CARMIL1: variants seen among roughly 807,000 people sequenced by gnomAD.
CARMIL1 encodes the protein capping protein regulator and myosin 1 linker 1, also known as F-actin-uncapping protein LRRC16A.
CARMIL1 carries 90 observed loss-of-function variants against 177.1 expected under a neutral mutation model. The observed-to-expected ratio is 0.51, with a 90% confidence interval of 0.43 to 0.61. The LOEUF (loss-of-function observed/expected upper bound fraction) is 0.61. Ranked by LOEUF, CARMIL1 falls within the 20% of genes least tolerant of loss-of-function variation. The pLI is 0.00. For missense variants in CARMIL1, 1,380 were observed against 1,667.0 expected, an observed-to-expected ratio of 0.83 and a Z score of 3.00; for synonymous variants, 577 against 606.2, an observed-to-expected ratio of 0.95 and a Z score of 0.71.
chr6:25,537,707 G>T, intron 24 of CARMIL1, 148 bp from the exon 25 acceptor site: 1 of 828,852 alleles, frequency 1.2e-6, no homozygotes, highest in Non-Finnish European at 1.8e-6. Context: ...CATTCTCAGT[G>T]ACTCCAGTTA....
At chr6:25,502,506 A>T (rs751513955) in intron 17 of CARMIL1, among the ~76,000 whole-genome samples, 8 of 150,152 alleles carry the variant, frequency 5.3e-5, no homozygotes, top group Non-Finnish European at 1.0e-4. Flanking sequence ...GTGAGCCGAG[A>T]TTGTACCAAT....
chr6:25,440,590 G>A (rs1434957639), intron 5 of CARMIL1, among the ~76,000 whole-genome samples: 2 of 152,146 alleles, frequency 1.3e-5, no homozygotes, highest in Non-Finnish European at 2.9e-5. Flanking sequence ...GGTATTGGTT[G>A]TGTGACTAGA....
rs1282181753 is a variant in CARMIL1 at position 25,604,823 on chromosome 6, T to G, written c.3564T>G (p.Asn1188Lys). The G allele has an allele frequency of 6.3e-7, 1 of 1,590,418 alleles. No homozygotes were observed. The highest frequency in any genetic ancestry group is 1.3e-5 in the African/African-American group (1 of 74,562). Residue 1188 changes from asparagine to lysine, a missense_variant, in exon 34 of 37, where the codon AAT (asparagine) becomes AAG (lysine). Coordinates refer to ENST00000329474, the MANE Select transcript of CARMIL1 (RefSeq NM_017640.6). Reference protein sequence around the residue: ...RAACAQKKLGNDAVSQDSSSP... With the variant: ...RAACAQKKLGKDAVSQDSSSP... ...CTTGAATTTTTTAGAAGCTTGGGAATGATGCCGTATCCCAGGATTCTTCCA... is the reference window on the plus strand; with the variant it reads ...CTTGAATTTTTTAGAAGCTTGGGAAGGATGCCGTATCCCAGGATTCTTCCA...
At chr6:25,450,981 C>CTTCTCTTCT (rs1179612890) in intron 8 of CARMIL1, among the ~76,000 whole-genome samples, 71 of 4,876 alleles carry the variant, frequency 0.015, 6 homozygotes, top group African/African-American at 0.021. Flanking sequence ...CTTCTCCTCT[C>CTTCTCTTCT]CCCCTCCCCT....
Position 25,406,452 on chromosome 6 carries a change from G to C in CARMIL1, c.139-13662G>C, listed in dbSNP as rs116328532. Among the ~76,000 whole-genome samples the C allele has an allele frequency of 5.8e-3, 876 of 150,064 alleles. 8 individuals are homozygous for C. The highest frequency in any genetic ancestry group is 0.021 in the African/African-American group (819 of 39,496). On this transcript the variant is annotated intron_variant, in intron 2 of 36. Transcript: ENST00000329474. ...CAGAGAAGGGACATAATAATGTTTG[G>C]GTTCTTAAAAGATCACGTTCAGATC...
chr6:25,458,485 C>CAAAA (rs750169275), intron 8 of CARMIL1, among the ~76,000 whole-genome samples: 18 of 68,198 alleles, frequency 2.6e-4, no homozygotes, highest in African/African-American at 5.1e-4. Flanking sequence ...GACTCTGTCT[C>CAAAA]AAAAAAAAAA....
chr6:25,413,006 A>G (rs1795053884), intron 2 of CARMIL1, among the ~76,000 whole-genome samples: 1 of 152,192 alleles, frequency 6.6e-6, no homozygotes, highest in Non-Finnish European at 1.5e-5. Context: ...ATAGCTGAGT[A>G]TAGTGTTAGG....
intron 2 of CARMIL1, among the ~76,000 whole-genome samples, chr6:25,369,099 T>C (rs946299712): frequency 2.0e-5 from 3 of 152,092 alleles, no homozygotes; most frequent in Non-Finnish European, 4.4e-5. Context: ...CTTTTAGGAG[T>C]CTCCTTTTAG....
chr6:25,528,378 A>G (rs1434058999), intron 23 of CARMIL1, among the ~76,000 whole-genome samples: 1 of 152,204 alleles, frequency 6.6e-6, no homozygotes, highest in Non-Finnish European at 1.5e-5. Context: ...ATAAGGCTAT[A>G]AGAGATTTAG....
At chr6:25,305,969 A>G (rs1783225827) in intron 2 of CARMIL1, among the ~76,000 whole-genome samples, 1 of 152,172 alleles carries the variant, frequency 6.6e-6, no homozygotes, top group Non-Finnish European at 1.5e-5. Context: ...CATTTTAACC[A>G]CTATTAATAA....
intron 2 of CARMIL1, among the ~76,000 whole-genome samples, chr6:25,381,700 C>T (rs1304130511): frequency 1.3e-5 from 2 of 152,228 alleles, no homozygotes; most frequent in African/African-American, 4.8e-5. Flanking sequence ...ATTGCCCTCT[C>T]TAGATGCCCA....
At chr6:25,339,819 A>G (rs1786713548) in intron 2 of CARMIL1, among the ~76,000 whole-genome samples, 1 of 152,202 alleles carries the variant, frequency 6.6e-6, no homozygotes, top group Non-Finnish European at 1.5e-5. Context: ...TTAAGCCTCA[A>G]TAACCTGTGC....
chr6:25,524,346 A>G (rs1489923938), intron 23 of CARMIL1, among the ~76,000 whole-genome samples: 1 of 152,240 alleles, frequency 6.6e-6, no homozygotes, highest in African/African-American at 2.4e-5. Context: ...GTGGATTACA[A>G]CTGAGCAAAC....
intron 2 of CARMIL1, among the ~76,000 whole-genome samples, chr6:25,357,656 A>G (rs1279988895): frequency 6.6e-6 from 1 of 152,206 alleles, no homozygotes; most frequent in Non-Finnish European, 1.5e-5. Context: ...CTTTAATTTT[A>G]ATAAGCCTTG....
At chr6:25,387,114 CA>C (rs377548646) in intron 2 of CARMIL1, among the ~76,000 whole-genome samples, 27,094 of 101,674 alleles carry the variant, frequency 0.27, 2,604 homozygotes, top group Non-Finnish European at 0.29. Flanking sequence ...ACTCTGTCTC[CA>C]AAAAAAAAAA....
intron 2 of CARMIL1, among the ~76,000 whole-genome samples, chr6:25,298,708 CT>C (rs1782619770): frequency 2.0e-5 from 3 of 150,750 alleles, no homozygotes; most frequent in Non-Finnish European, 4.4e-5. Context: ...CTGTCTGTTG[CT>C]GTTGCCTCAC....
In CARMIL1 at chr6:25,432,120, G is replaced by A. The variant is rs148551223; in HGVS notation, c.250-3363G>A. Among the ~76,000 whole-genome samples the A allele has an allele frequency of 2.5e-3, 384 of 152,120 alleles. 3 individuals carry two copies. The highest frequency in any genetic ancestry group is 9.0e-3 in the African/African-American group (372 of 41,512). ...AGGACAGTTACAGTTCTATACATCC[G>A]CGGTGGACGTTTGTTTTTTTAACAA... On this transcript the variant is annotated intron_variant, in intron 4 of 36. Transcript: ENST00000329474.
At position 25,597,012 on chromosome 6, in the gene CARMIL1, G is replaced by A. The variant is rs572543033; in HGVS notation, c.3119+2485G>A. ...AGTGGGTAATTTATAAAGGAAAGAGGTTTATTTAGCTCATGGTTCTGGAAG... is the reference window on the plus strand; with the variant it reads ...AGTGGGTAATTTATAAAGGAAAGAGATTTATTTAGCTCATGGTTCTGGAAG... On this transcript the variant is annotated intron_variant, in intron 32 of 36. Coordinates refer to ENST00000329474, the MANE Select transcript of CARMIL1 (RefSeq NM_017640.6). Among the ~76,000 whole-genome samples the A allele has an allele frequency of 1.3e-4, 20 of 152,254 alleles. No homozygotes were observed. In the East Asian group the frequency reaches 3.9e-3, roughly 29 times the overall value.
At chr6:25,521,834 G>A (rs1048410677) in intron 23 of CARMIL1, among the ~76,000 whole-genome samples, 6 of 151,492 alleles carry the variant, frequency 4.0e-5, no homozygotes, top group Non-Finnish European at 2.9e-5. Flanking sequence ...AGTGGTCTGG[G>A]TTGTAAATCA....
Sources: gnomAD v4.1 joint callset for allele counts (sites outside exome capture counted in the v4.1 genomes callset) on GRCh38, gnomAD v4.1.1 for gene constraint, MANE v1.5 for transcripts, NCBI Gene and HGNC (gene_info 2026-07-23, HGNC 2026-07-21) for gene names.